The following AK6 variants were observed in gnomAD, a reference collection of about 807,000 sequenced individuals.
The protein encoded by AK6 is adenylate kinase 6.
AK6 carries 24 observed loss-of-function variants against 23.7 expected under a neutral mutation model. The observed-to-expected ratio is 1.01, with a 90% CI of 0.73 to 1.43. The LOEUF (loss-of-function observed/expected upper bound fraction) is 1.43. AK6 is among the 40% of genes most tolerant of loss of function. AK6 has a pLI of 0.00. For missense variants in AK6, 191 were observed against 199.1 expected (o/e 0.96, Z 0.24); for synonymous variants, 73 against 69.8 (o/e 1.05, Z -0.23).
chr5:69,355,869 A>C, intron 3 of AK6, 26 bp downstream of exon 3: 1 of 1,602,978 alleles, frequency 6.2e-7, no homozygotes, highest in Non-Finnish European at 8.5e-7. Flanking sequence ...CAACAAATGC[A>C]TACTTTATGA....
At chr5:69,369,531 C>T (rs760502949), upstream of AK6, 14 of 1,611,430 alleles carry the variant, frequency 8.7e-6, no homozygotes, top group Admixed American at 1.7e-5. Flanking sequence ...GCTCACGTGC[C>T]CTTTGCTCTA....
intron 4 of AK6, among the ~76,000 whole-genome samples, chr5:69,354,988 C>T (rs746153097): frequency 4.0e-5 from 6 of 151,896 alleles, no homozygotes; most frequent in Admixed American, 6.6e-5. Context: ...CCACCATGCC[C>T]GGCTAATTTT....
intron 2 of AK6, among the ~76,000 whole-genome samples, chr5:69,358,597 G>A (rs1762145935): frequency 6.6e-6 from 1 of 151,346 alleles, no homozygotes; most frequent in South Asian, 2.1e-4. Context: ...TAACTTTTAG[G>A]ATTGAAGTCT....
chr5:69,361,356 C>T (rs1198549839), intron 2 of AK6, among the ~76,000 whole-genome samples: 1 of 151,858 alleles, frequency 6.6e-6, no homozygotes, highest in African/African-American at 2.4e-5. Flanking sequence ...CTCCTGACCT[C>T]GTGATCTGCC....
At chr5:69,361,826 G>T (rs1010230863) in intron 2 of AK6, among the ~76,000 whole-genome samples, 2 of 151,634 alleles carry the variant, frequency 1.3e-5, no homozygotes. Flanking sequence ...GGCTGGTCTT[G>T]AACTCCTGAC....
At chr5:69,366,764 A>C in intron 1 of AK6, 169 bp from the exon 2 acceptor site, 2 of 597,862 alleles carry the variant, frequency 3.3e-6, no homozygotes, top group Non-Finnish European at 5.9e-6. Context: ...TCATATGTAA[A>C]ATTTTTTTTT....
chr5:69,359,182 G>C (rs1449072673), intron 2 of AK6, among the ~76,000 whole-genome samples: 2 of 151,852 alleles, frequency 1.3e-5, no homozygotes, highest in East Asian at 3.9e-4. Context: ...GAGTGAGCCA[G>C]GATTGCACCA....
At chr5:69,362,213 A>T (rs1364620639) in intron 2 of AK6, among the ~76,000 whole-genome samples, 1 of 152,098 alleles carries the variant, frequency 6.6e-6, no homozygotes, top group African/African-American at 2.4e-5. Context: ...ATTGTTACTA[A>T]GGGAGACAGG....
At position 69,351,398 on chromosome 5, in the gene AK6, AG is replaced by A. The variant is rs1015324344; in HGVS notation, c.*662del. The A allele has an allele frequency of 1.3e-5, 2 of 152,220 alleles. No homozygotes were observed. The highest frequency in any genetic ancestry group is 1.3e-4 in the Admixed American group (2 of 15,276). 9.4% of individuals were successfully genotyped at this position (152,220 alleles called of 1,614,324 possible). Reference sequence around the variant, plus strand: ...ATCTATCTCAACTAAAAAAAAGAACAGGGAGGTCTGTACTGAGATGATATAA... The same window carrying A: ...ATCTATCTCAACTAAAAAAAAGAACAGGAGGTCTGTACTGAGATGATATAA... On this transcript the variant is annotated 3_prime_UTR_variant, in exon 5 of 5. Coordinates refer to ENST00000380822, the MANE Select transcript of AK6 (RefSeq NM_016283.5).
chr5:69,358,487 C>T (rs576633705), intron 2 of AK6, among the ~76,000 whole-genome samples: 2 of 134,022 alleles, frequency 1.5e-5, no homozygotes, highest in East Asian at 4.3e-4. Context: ...CACTGCACTC[C>T]AGCCTGGGTG....
intron 2 of AK6, among the ~76,000 whole-genome samples, chr5:69,366,129 C>CA (rs1052120390): frequency 2.6e-5 from 4 of 152,352 alleles, no homozygotes; most frequent in African/African-American, 9.6e-5. Context: ...GAGCTCAAAA[C>CA]AGTCTCTTTC....
At chr5:69,369,620 G>T (rs1391230122), upstream of AK6, 2 of 1,572,470 alleles carry the variant, frequency 1.3e-6, no homozygotes, top group Non-Finnish European at 1.7e-6. Context: ...GGCGCCCCTA[G>T]CCTGCCCCGG....
At chr5:69,369,715 G>C (rs758535619), upstream of AK6, 1 of 1,550,846 alleles carries the variant, frequency 6.4e-7, no homozygotes, top group African/African-American at 1.4e-5. Flanking sequence ...ACTCGGGTCG[G>C]TACTTCGGGT....
intron 2 of AK6, among the ~76,000 whole-genome samples, chr5:69,362,839 GA>G (rs1246113350): frequency 8.5e-5 from 13 of 152,048 alleles, no homozygotes; most frequent in African/African-American, 1.7e-4. Context: ...ACAGGAGGGG[GA>G]AAAAATACTT....
In AK6 at chr5:69,366,581, C is replaced by T; in HGVS notation, c.43G>A (p.Gly15Arg). The T allele has an allele frequency of 6.2e-7, 1 of 1,613,650 alleles. No homozygotes were observed. The highest frequency in any genetic ancestry group is 8.5e-7 in the Non-Finnish European group (1 of 1,179,730). Residue 15 changes from glycine (G) to arginine (R), a missense_variant, in exon 2 of 5, where the codon GGA becomes AGA. Coordinates refer to ENST00000380822, the MANE Select transcript of AK6 (RefSeq NM_016283.5). ...NILLTGTPGVGKTTLGKELAS... is the reference protein window; with the variant it reads ...NILLTGTPGVRKTTLGKELAS... ...AGTTCTTTGCCTAGTGTGGTTTTTCCAACCCCTGGTGTACCTGTAAGACAA... is the reference window on the plus strand; with the variant it reads ...AGTTCTTTGCCTAGTGTGGTTTTTCTAACCCCTGGTGTACCTGTAAGACAA...
intron 2 of AK6, among the ~76,000 whole-genome samples, chr5:69,358,177 T>C (rs1762130817): frequency 6.6e-6 from 1 of 152,128 alleles, no homozygotes; most frequent in Admixed American, 6.6e-5. Flanking sequence ...TATGTGGTAA[T>C]CTTGAATAGA....
intron 4 of AK6, among the ~76,000 whole-genome samples, chr5:69,354,051 G>A (rs1290280355): frequency 2.0e-5 from 3 of 152,136 alleles, no homozygotes; most frequent in African/African-American, 7.2e-5. Flanking sequence ...GATTACAGGT[G>A]TGAGGTGTGA....
At chr5:69,360,579 C>G (rs1762204149) in intron 2 of AK6, among the ~76,000 whole-genome samples, 1 of 151,950 alleles carries the variant, frequency 6.6e-6, no homozygotes, top group Non-Finnish European at 1.5e-5. Context: ...AGTGAGATTA[C>G]TAGTGGGAGG....
upstream of AK6, chr5:69,369,711 G>T: frequency 6.4e-7 from 1 of 1,551,480 alleles, no homozygotes; most frequent in South Asian, 1.2e-5. Context: ...CATAACTCGG[G>T]TCGGTACTTC....
Sources: allele counts gnomAD v4.1 joint callset (sites outside exome capture counted in the v4.1 genomes callset), GRCh38; gene constraint gnomAD v4.1.1; transcripts MANE v1.5; gene names NCBI Gene and HGNC (gene_info 2026-07-23, HGNC 2026-07-21).